CNTRL: variants seen among roughly 807,000 people sequenced by gnomAD.
CNTRL encodes the protein centriolin, also known as 110 kDa centrosomal protein.
CNTRL carries 233 observed loss-of-function variants against 303.7 expected under a neutral mutation model. The ratio of observed to expected loss-of-function variants is 0.77; its 90% CI spans 0.69 to 0.86. The LOEUF (loss-of-function observed/expected upper bound fraction) is 0.86, where lower values mean the gene tolerates loss of function less well. Among genes scored for constraint, CNTRL ranks in the 40% least tolerant of loss-of-function variants. The pLI, the probability that CNTRL is intolerant of heterozygous loss-of-function variation, is 0.00. For missense variants in CNTRL, 2,524 were observed against 2,650.6 expected (o/e 0.95, Z 1.05); for synonymous variants, 900 against 922.2 (o/e 0.98, Z 0.44).
intron 27 of CNTRL, among the ~76,000 whole-genome samples, chr9:121,157,021 A>T (rs2052608203): frequency 6.6e-6 from 1 of 152,244 alleles, no homozygotes; most frequent in Admixed American, 6.5e-5. Flanking sequence ...AATAAAAAGC[A>T]TCTTTAGTTC....
intron 12 of CNTRL, among the ~76,000 whole-genome samples, chr9:121,119,108 A>G (rs150392901): frequency 5.5e-5 from 7 of 127,974 alleles, no homozygotes; most frequent in Admixed American, 3.3e-4. Context: ...GTGTGTGTGT[A>G]TACACACACA....
At chr9:121,163,110 C>T (rs1291260773) in intron 34 of CNTRL, among the ~76,000 whole-genome samples, 2 of 150,118 alleles carry the variant, frequency 1.3e-5, no homozygotes, top group Non-Finnish European at 3.0e-5. Context: ...GAGGCCGAGG[C>T]AGGAGGATCA....
At chr9:121,169,892 C>A (rs1443335169) in intron 39 of CNTRL, 76 bp downstream of exon 39, 2 of 1,191,162 alleles carry the variant, frequency 1.7e-6, no homozygotes, top group African/African-American at 1.5e-5. Flanking sequence ...CACTTCAACA[C>A]AGAGAAAATA....
chr9:121,157,501 C>T lies in CNTRL; in HGVS notation c.4397C>T (p.Ala1466Val), dbSNP rs2052631081. 1.9e-6 allele frequency: 3 copies of T among 1,613,706 alleles called. No individual in the cohort carries two copies. Among genetic ancestry groups the T allele is most frequent in the African/African-American group, 1.3e-5 (1 of 74,864 alleles). Residue 1466 changes from alanine to valine, a missense_variant, in exon 28 of 44, where the codon GCC becomes GTC. Physicochemically the swap from Ala to Val is moderately conservative, Grantham distance 64. Transcript: ENST00000373855. ...AATGCTGTTGAAAAGTTCACTGATGCCAAGAGAAGTTTATTGCAAACTGAG... is the reference window on the plus strand; with the variant it reads ...AATGCTGTTGAAAAGTTCACTGATGTCAAGAGAAGTTTATTGCAAACTGAG... The part of the protein sequence containing the change: ...TKNAVEKFTD[A>V]KRSLLQTESD...
chr9:121,163,284 C>T (rs762902597), intron 34 of CNTRL, among the ~76,000 whole-genome samples: 1 of 149,340 alleles, frequency 6.7e-6, no homozygotes, highest in African/African-American at 2.4e-5. Flanking sequence ...GATACCATTG[C>T]ACTCCAGCCA....
At chr9:121,109,034 A>G (rs115599750) in intron 8 of CNTRL, among the ~76,000 whole-genome samples, 2,890 of 152,170 alleles carry the variant, frequency 0.019, 92 homozygotes, top group African/African-American at 0.066. Context: ...ATTCCTCTGT[A>G]TCTGTGGGGG....
Position 121,144,032 on chromosome 9 carries a change from C to G in CNTRL, c.3001C>G (p.Leu1001Val). ...TGAGCTCACCATTGCCAAAGACCAG[C>G]TGAAGTCCCTTCATGGAACTGTTAT... ...TAELTIAKDQ[L>V]KSLHGTVMKI... Residue 1001 changes from leucine to valine, a missense_variant, in exon 20 of 44, where the codon CTG (leucine) becomes GTG (valine). Leu to Val is a conservative substitution (Grantham distance 32, BLOSUM62 1). Transcript: ENST00000373855. 1 of 1,613,898 alleles carries G rather than the reference C, an allele frequency of 6.2e-7. No homozygotes were observed. Among genetic ancestry groups the G allele is most frequent in the Non-Finnish European group, 8.5e-7 (1 of 1,179,886 alleles).
intron 2 of CNTRL, among the ~76,000 whole-genome samples, chr9:121,088,046 A>G (rs921426471): frequency 2.0e-5 from 3 of 152,170 alleles, no homozygotes; most frequent in Non-Finnish European, 4.4e-5. Flanking sequence ...GGTTCAATAA[A>G]CAGAACAGGA....
At chr9:121,135,778 C>CATA in intron 14 of CNTRL, 28 bp from the exon 15 acceptor site, 1 of 1,580,954 alleles carries the variant, frequency 6.3e-7, no homozygotes, top group Non-Finnish European at 8.6e-7. Context: ...GTGAGGGTTC[C>CATA]ATAGTTAAAC....
chr9:121,153,979 T>C (rs1473474427), intron 26 of CNTRL, among the ~76,000 whole-genome samples: 2 of 152,228 alleles, frequency 1.3e-5, no homozygotes, highest in Non-Finnish European at 2.9e-5. Context: ...TTTTTTACTT[T>C]GAGGTATTTT....
chr9:121,077,738 A>AAGGCAAGGTTGCT (rs1554729649), intron 1 of CNTRL, among the ~76,000 whole-genome samples: 1 of 148,108 alleles, frequency 6.8e-6, no homozygotes, highest in Non-Finnish European at 1.5e-5. Flanking sequence ...TGAGCCCAGG[A>AAGGCAAGGTTGCT]GTTCAAGACC....
chr9:121,131,877 C>T (rs986543967), intron 14 of CNTRL, among the ~76,000 whole-genome samples: 11 of 152,198 alleles, frequency 7.2e-5, no homozygotes, highest in African/African-American at 1.9e-4. Flanking sequence ...GATTTTATTT[C>T]TCCTTCACTC....
Position 121,167,471 on chromosome 9 carries a change from T to A in CNTRL, c.5656-18T>A, listed in dbSNP as rs1043064941. On this transcript the variant is annotated intron_variant, in intron 36 of 43. Transcript: ENST00000373855. ...AGATGGCTTTATTAGTAGTTTCCAC[T>A]TGTTCTTTCACCTAAAGGACCTGCT... is the stretch of plus-strand genomic sequence containing the variant. 2 of 1,604,000 alleles carry A rather than the reference T, an allele frequency of 1.2e-6. No individual in the cohort carries two copies. Among genetic ancestry groups the A allele is most frequent in the Non-Finnish European group, 1.7e-6 (2 of 1,175,460 alleles).
chr9:121,173,689 TGGA>T lies in CNTRL; in HGVS notation c.6701_6703del (p.Gly2234del). 1 of 1,614,146 alleles carries T rather than the reference TGGA, an allele frequency of 6.2e-7. No homozygotes were observed. Among genetic ancestry groups the T allele is most frequent in the Non-Finnish European group, 8.5e-7 (1 of 1,179,988 alleles). The stretch of plus-strand genomic sequence containing the variant: ...CTCTGAGAAAGGATGAACACTGGCG[TGGA>T]GAAGCACTCCGGGAGAAACTGCGTC... On this transcript the variant is annotated inframe_deletion, in exon 42 of 44. Coordinates refer to ENST00000373855, the MANE Select transcript of CNTRL (RefSeq NM_007018.6).
chr9:121,098,698 A>G (rs898539991), intron 7 of CNTRL, 126 bp downstream of exon 7: 1 of 690,082 alleles, frequency 1.4e-6, no homozygotes, highest in African/African-American at 1.8e-5. Context: ...GGCAGCATAA[A>G]TCAATTCAAC....
At position 121,150,258 on chromosome 9, in the gene CNTRL, G is replaced by GTA. The variant is rs755408100; in HGVS notation, c.3741_3742dup (p.Thr1248IlefsTer75). ...TTGTGCCTCCTCCTGGATACATGAT[G>GTA]TATACTGTGCTTCCTGATGGTTCTC... On this transcript the variant is annotated frameshift_variant, in exon 25 of 44. Transcript: ENST00000373855. LOFTEE classifies it high-confidence loss of function. 5.9e-5 allele frequency: 95 copies of GTA among 1,614,036 alleles called. No individual in the cohort carries two copies. The highest frequency in any genetic ancestry group is 8.0e-5 in the Non-Finnish European group (94 of 1,180,012).
chr9:121,135,954 A>G lies in CNTRL; in HGVS notation c.2174A>G (p.Glu725Gly). The change falls in exon 15 of 44, where the codon GAG becomes GGG. Residue 725 changes from glutamate (E) to glycine (G), a missense_variant. Transcript: ENST00000373855. ...RDAEANQLKE[E>G]LEKVTRLTQL... ...GCTGAAGCCAACCAGCTCAAGGAAG[A>G]GTTGGAAAAAGTAACAAGACTTACC... 1 of 1,611,826 alleles carries G rather than the reference A, an allele frequency of 6.2e-7. No individual in the cohort carries two copies. The highest frequency in any genetic ancestry group is 8.5e-7 in the Non-Finnish European group (1 of 1,178,376).
At chr9:121,164,893 C>T (rs770675241) in intron 34 of CNTRL, 50 bp from the exon 35 acceptor site, 1 of 1,462,046 alleles carries the variant, frequency 6.8e-7, no homozygotes, top group East Asian at 2.4e-5. Flanking sequence ...CCTCAGTCAT[C>T]TCCTGTGTGT....
At chr9:121,119,836 A>C (rs1391638816) in intron 12 of CNTRL, among the ~76,000 whole-genome samples, 1 of 152,114 alleles carries the variant, frequency 6.6e-6, no homozygotes, top group Admixed American at 6.5e-5. Flanking sequence ...GGGGGTTGCG[A>C]GTCCTTTTTC....
Sources: gnomAD v4.1 joint callset for allele counts (sites outside exome capture counted in the v4.1 genomes callset) on GRCh38, gnomAD v4.1.1 for gene constraint, MANE v1.5 for transcripts, NCBI Gene and HGNC (gene_info 2026-07-23, HGNC 2026-07-21) for gene names.